Variants in ADGB observed in about 807,000 individuals in gnomAD.
The protein encoded by ADGB is androglobin, also known as calpain-7-like protein.
In ADGB, 172 loss-of-function variants were observed where a neutral mutation model predicts 210.5. The ratio of observed to expected loss-of-function variants is 0.82; its 90% CI spans 0.72 to 0.93. The LOEUF (loss-of-function observed/expected upper bound fraction) is 0.93, where lower values mean the gene tolerates loss of function less well. ADGB is among the 40% of genes least tolerant of loss of function. The pLI is 0.00. For missense variants in ADGB, 2,025 were observed against 1,964.8 expected, an observed-to-expected ratio of 1.03 and a Z score of -0.58; for synonymous variants, 658 against 662.7, an observed-to-expected ratio of 0.99 and a Z score of 0.11.
intron 1 of ADGB, among the ~76,000 whole-genome samples, chr6:146,608,806 C>T (rs935011386): frequency 4.6e-5 from 7 of 151,984 alleles, no homozygotes; most frequent in Non-Finnish European, 8.8e-5. Context: ...TTGATTTTAC[C>T]GTATGTGCCA....
At chr6:146,714,870 A>G (rs73571722) in intron 13 of ADGB, among the ~76,000 whole-genome samples, 8,634 of 152,196 alleles carry the variant, frequency 0.057, 813 homozygotes, top group African/African-American at 0.2. Flanking sequence ...TACTTTTTAT[A>G]TTTATTTTTG....
intron 10 of ADGB, among the ~76,000 whole-genome samples, chr6:146,690,563 A>C (rs1295339496): frequency 1.3e-5 from 2 of 152,162 alleles, no homozygotes; most frequent in Non-Finnish European, 2.9e-5. Context: ...GAGATCTAAC[A>C]CTAGAATATG....
At chr6:146,645,556 A>G (rs1405616931) in intron 3 of ADGB, among the ~76,000 whole-genome samples, 2 of 152,058 alleles carry the variant, frequency 1.3e-5, no homozygotes, top group Non-Finnish European at 2.9e-5. Context: ...TGCATAGGAA[A>G]CCAGTGGGCT....
At chr6:146,603,509 A>AT (rs1780589728) in intron 1 of ADGB, among the ~76,000 whole-genome samples, 1 of 152,198 alleles carries the variant, frequency 6.6e-6, no homozygotes, top group Admixed American at 6.5e-5. Context: ...TACTTATAAA[A>AT]TTTTTTTCAC....
intron 12 of ADGB, 134 bp downstream of exon 12, chr6:146,693,049 A>T: frequency 1.8e-6 from 1 of 555,158 alleles, no homozygotes; most frequent in Non-Finnish European, 3.1e-6. Context: ...ACATGTAAAA[A>T]CTTTAAAAGG....
At chr6:146,757,642 T>G (rs78299710) in intron 27 of ADGB, among the ~76,000 whole-genome samples, 3,048 of 152,004 alleles carry the variant, frequency 0.02, 79 homozygotes, top group African/African-American at 0.066. Flanking sequence ...CACAAAGAAG[T>G]AAGGATCCTT....
intron 4 of ADGB, among the ~76,000 whole-genome samples, chr6:146,655,619 A>G (rs1775768337): frequency 6.6e-6 from 1 of 151,966 alleles, no homozygotes; most frequent in South Asian, 2.1e-4. Flanking sequence ...TAAAATCAAA[A>G]TATTATATTT....
Position 146,733,155 on chromosome 6 carries a change from AG to A in ADGB, c.2557del (p.Val853PhefsTer3). The A allele has an allele frequency of 6.5e-7, 1 of 1,533,236 alleles. No individual in the cohort carries two copies. Among genetic ancestry groups the A allele is most frequent in the South Asian group, 1.2e-5 (1 of 80,326 alleles). 95.0% of individuals were successfully genotyped at this position (1,533,236 alleles called of 1,614,324 possible). ...HLSLWRLMKK[V>X]QITKPPPNFK... ...TTTCCTTATGGCGTTTAATGAAAAA[AG>A]TTCAAATAACAAAACCTCCTCCAAA... On this transcript the variant is annotated frameshift_variant, in exon 21 of 36. Coordinates refer to ENST00000397944, the MANE Select transcript of ADGB (RefSeq NM_024694.4). LOFTEE classifies it high-confidence loss of function.
chr6:146,734,735 C>T (rs1777053904), intron 22 of ADGB, among the ~76,000 whole-genome samples: 1 of 152,000 alleles, frequency 6.6e-6, no homozygotes, highest in Admixed American at 6.6e-5. Context: ...CATGGGGAAA[C>T]CATGTCTCTA....
At chr6:146,704,252 A>G (rs1306569393) in intron 13 of ADGB, among the ~76,000 whole-genome samples, 3 of 151,516 alleles carry the variant, frequency 2.0e-5, no homozygotes, top group African/African-American at 7.3e-5. Context: ...CTCCCATTCT[A>G]TAGATTGTCT....
rs200453838 is a variant in ADGB, at chr6:146,815,012, G to A, written c.4819-20G>A. 9 of 1,520,408 alleles carry A rather than the reference G, an allele frequency of 5.9e-6. No homozygotes were observed. The highest frequency in any genetic ancestry group is 7.9e-6 in the Non-Finnish European group (9 of 1,138,784). 94.2% of individuals were successfully genotyped at this position (1,520,408 alleles called of 1,614,324 possible). On this transcript the variant is annotated intron_variant, in intron 35 of 35. Coordinates refer to ENST00000397944, the MANE Select transcript of ADGB (RefSeq NM_024694.4). ...CTTTACCAGTGGAACTTATTTGTTT[G>A]GGGTTTTGCTTTGGAACAGGACTCC...
intron 1 of ADGB, among the ~76,000 whole-genome samples, chr6:146,600,044 T>C (rs1780530174): frequency 6.6e-6 from 1 of 152,144 alleles, no homozygotes; most frequent in Non-Finnish European, 1.5e-5. Flanking sequence ...GATTCACTGA[T>C]CCCTAGGATT....
intron 2 of ADGB, chr6:146,639,023 A>C (rs928246431): frequency 6.5e-6 from 1 of 153,192 alleles, no homozygotes; most frequent in African/African-American, 2.4e-5. Context: ...TGATATTGGT[A>C]ATAGGCTTTT....
chr6:146,723,204 T>C (rs1776846164), intron 17 of ADGB, among the ~76,000 whole-genome samples: 1 of 152,162 alleles, frequency 6.6e-6, no homozygotes, highest in South Asian at 2.1e-4. Context: ...AGCCACACCA[T>C]GTCCCAGAAC....
chr6:146,731,442 C>G (rs997706790), intron 20 of ADGB, among the ~76,000 whole-genome samples: 1 of 151,950 alleles, frequency 6.6e-6, no homozygotes, highest in Non-Finnish European at 1.5e-5. Context: ...CTCTACCACC[C>G]ATTCTAGATG....
At chr6:146,797,334 A>G (rs921168766) in intron 33 of ADGB, among the ~76,000 whole-genome samples, 1 of 152,200 alleles carries the variant, frequency 6.6e-6, no homozygotes, top group African/African-American at 2.4e-5. Flanking sequence ...TGATCCAGCA[A>G]TCCCACTACT....
At position 146,764,902 on chromosome 6, in the gene ADGB, C is replaced by T. The variant is rs756611152; in HGVS notation, c.3750+802C>T. Among the ~76,000 whole-genome samples, 19 of 152,098 alleles carry T rather than the reference C, an allele frequency of 1.2e-4. No individual in the cohort carries two copies. In the South Asian group the frequency reaches 2.7e-3, roughly 22 times the overall value. On this transcript the variant is annotated intron_variant, in intron 28 of 35. Transcript: ENST00000397944. ...GCAACCTCTGCCTCCTGGGTTCAAG[C>T]GATTCTCCTGCCTCAGCCTCCTGAG...
At chr6:146,687,645 G>A (rs547056535) in intron 10 of ADGB, among the ~76,000 whole-genome samples, 10 of 152,086 alleles carry the variant, frequency 6.6e-5, no homozygotes, top group Non-Finnish European at 1.3e-4. Flanking sequence ...GGCCTGTTGT[G>A]GGATGGGGTT....
At chr6:146,712,438 C>T (rs1432523971) in intron 13 of ADGB, among the ~76,000 whole-genome samples, 3 of 151,994 alleles carry the variant, frequency 2.0e-5, no homozygotes, top group Non-Finnish European at 4.4e-5. Flanking sequence ...CCACCCACCT[C>T]GGCCTCCCAA....
Sources: allele counts gnomAD v4.1 joint callset (sites outside exome capture counted in the v4.1 genomes callset), GRCh38; gene constraint gnomAD v4.1.1; transcripts MANE v1.5; gene names NCBI Gene and HGNC (gene_info 2026-07-23, HGNC 2026-07-21).